CLPTM1: variants seen among roughly 807,000 people sequenced by gnomAD.
CLPTM1 encodes CLPTM1 regulator of GABA type A receptor forward trafficking, also known as putative lipid scramblase CLPTM1.
A neutral mutation model predicts 77.3 loss-of-function variants in CLPTM1; 21 were observed. That is an observed-to-expected ratio of 0.27 (90% CI 0.19 to 0.39). The LOEUF (loss-of-function observed/expected upper bound fraction) is 0.39. CLPTM1 is among the 10% of genes least tolerant of loss of function. CLPTM1 has a pLI of 1.00. For synonymous variants in CLPTM1, 373 were observed against 381.0 expected (o/e 0.98, Z 0.24); for missense variants, 642 against 921.2 (o/e 0.70, Z 3.92).
chr19:44,958,050 A>T (rs1474161370), intron 1 of CLPTM1, among the ~76,000 whole-genome samples: 1 of 151,120 alleles, frequency 6.6e-6, no homozygotes, highest in Admixed American at 6.6e-5. Flanking sequence ...TAAAGCTGGG[A>T]TGGGGATAGG....
In CLPTM1 at chr19:44,992,945, G is replaced by GC; in HGVS notation, c.*49dup. The stretch of plus-strand genomic sequence containing the variant: ...CCGGCTCCTGGCGACCACTACCCCT[G>GC]CGTCCCGGCCCCCTCGCCTCCCCTC... On this transcript the variant is annotated 3_prime_UTR_variant, in exon 14 of 14. Coordinates refer to ENST00000337392, the MANE Select transcript of CLPTM1 (RefSeq NM_001294.4). This position sits in a 1 kb window ranked among gnomAD's most constrained non-coding sequence, Gnocchi z 7.7. The GC allele has an allele frequency of 6.3e-7, 1 of 1,585,888 alleles. No homozygotes were observed. Among genetic ancestry groups the GC allele is most frequent in the Non-Finnish European group, 8.6e-7 (1 of 1,166,950 alleles).
chr19:44,955,452 A>T lies in CLPTM1; in HGVS notation c.57A>T (p.Gly19=), dbSNP rs1455846581. The stretch of plus-strand genomic sequence containing the variant: ...GCAGCGCCGTGGTGGCGGCCGGGGG[A>T]GGCAGCTCCGGTCAGGTACGGAGGC... ...GARSAVVAAG[G]GSSGQVTSNG... The change falls in exon 1 of 14, where the codon GGA becomes GGT. Residue 19 remains glycine (G), a synonymous_variant. Transcript: ENST00000337392. The T allele has an allele frequency of 3.0e-6, 4 of 1,329,606 alleles. No homozygotes were observed. The allele number at this position is 1,329,606 out of a possible 1,614,324, so 82.4% of individuals were successfully genotyped here.
chr19:44,957,421 C>T (rs980409876), intron 1 of CLPTM1, among the ~76,000 whole-genome samples: 2 of 152,226 alleles, frequency 1.3e-5, no homozygotes, highest in African/African-American at 4.8e-5. Flanking sequence ...CTCAGCTCAG[C>T]GCCAGGCACA....
chr19:44,954,627 G>A (rs1970428093), upstream of CLPTM1: 1 of 1,079,446 alleles, frequency 9.3e-7, no homozygotes, highest in Non-Finnish European at 1.1e-6. Flanking sequence ...CGGGTTTAGA[G>A]CTGTACGAAG....
chr19:44,977,660 G>A lies in CLPTM1; in HGVS notation c.586+200G>A, dbSNP rs1193161365. Among the ~76,000 whole-genome samples, 6 of 152,180 alleles carry A rather than the reference G, an allele frequency of 3.9e-5. No individual in the cohort carries two copies. In the East Asian group the frequency reaches 7.7e-4, roughly 20 times the overall value. On this transcript the variant is annotated intron_variant, in intron 5 of 13. Coordinates refer to ENST00000337392, the MANE Select transcript of CLPTM1 (RefSeq NM_001294.4). ...GTGGACACTAAGCAGGGATACCCACGGAGGAAGGGAGACCCACGGAGGCTC... is the reference window on the plus strand; with the variant it reads ...GTGGACACTAAGCAGGGATACCCACAGAGGAAGGGAGACCCACGGAGGCTC...
chr19:44,972,062 G>A (rs544368775), intron 2 of CLPTM1, among the ~76,000 whole-genome samples: 4 of 151,294 alleles, frequency 2.6e-5, no homozygotes, highest in East Asian at 1.9e-4. Flanking sequence ...GTAGAGACAG[G>A]GTTTCACCAT....
chr19:44,973,139 C>G lies in CLPTM1; in HGVS notation c.238C>G (p.Gln80Glu). The change falls in exon 3 of 14, where the codon CAG (glutamine) becomes GAG (glutamate). Residue 80 changes from glutamine to glutamate, a missense_variant. Around this residue, in one of 2 missense-constraint regions of CLPTM1, gnomAD observed 121 missense variants for 120.8 expected, o/e 1.00. Transcript: ENST00000337392. Reference protein sequence around the residue: ...SSWFRRGPAPQDQAGPGGAPR... With the variant: ...SSWFRRGPAPEDQAGPGGAPR... ...TTGGTTCCGCCGAGGGCCGGCCCCT[C>G]AGGACCAGGCGGGCCCCGGAGGAGC... is the stretch of plus-strand genomic sequence containing the variant. 2 of 1,614,100 alleles carry G rather than the reference C, an allele frequency of 1.2e-6. No homozygotes were observed. Among genetic ancestry groups the G allele is most frequent in the East Asian group, 2.2e-5 (1 of 44,886 alleles).
chr19:44,965,742 A>C (rs1970618338), intron 2 of CLPTM1, among the ~76,000 whole-genome samples: 1 of 152,248 alleles, frequency 6.6e-6, no homozygotes, highest in East Asian at 1.9e-4. Flanking sequence ...TGAACCCAGG[A>C]GGCGGAGCTT....
chr19:44,973,324 T>G, intron 3 of CLPTM1, 114 bp downstream of exon 3: 8 of 1,428,144 alleles, frequency 5.6e-6, no homozygotes, highest in Non-Finnish European at 7.7e-6. Context: ...CTGGCAGGTC[T>G]AGGAAAACAG....
chr19:44,977,726 C>T (rs189741350), intron 5 of CLPTM1, among the ~76,000 whole-genome samples: 1 of 152,166 alleles, frequency 6.6e-6, no homozygotes, highest in African/African-American at 2.4e-5. Context: ...CAGCTGGAGA[C>T]AGGGACTCTT....
At chr19:44,980,958 C>G (rs1289390419) in intron 5 of CLPTM1, among the ~76,000 whole-genome samples, 1 of 151,776 alleles carries the variant, frequency 6.6e-6, no homozygotes, top group Admixed American at 6.6e-5. Flanking sequence ...CTGCCTCAGC[C>G]TCCTGAGTAG....
chr19:44,981,218 C>T (rs1970891176), intron 5 of CLPTM1, among the ~76,000 whole-genome samples: 1 of 151,956 alleles, frequency 6.6e-6, no homozygotes, highest in Non-Finnish European at 1.5e-5. Flanking sequence ...GATCTTGGCT[C>T]GCCACAGCCT....
At chr19:44,976,849 G>A (rs1182447034) in intron 4 of CLPTM1, among the ~76,000 whole-genome samples, 3 of 152,190 alleles carry the variant, frequency 2.0e-5, no homozygotes, top group African/African-American at 7.2e-5. Context: ...GCAAAATGGG[G>A]TGGTAACATG....
chr19:44,961,333 G>C (rs896848862), intron 1 of CLPTM1, among the ~76,000 whole-genome samples: 2 of 152,142 alleles, frequency 1.3e-5, no homozygotes, highest in Admixed American at 1.3e-4. Context: ...CCACAGAGGG[G>C]GCCTCAGGAA....
chr19:44,986,629 G>C, intron 7 of CLPTM1, 54 bp downstream of exon 7: 1 of 1,591,708 alleles, frequency 6.3e-7, no homozygotes, highest in East Asian at 2.2e-5. Flanking sequence ...GGGTGCTCGG[G>C]GTCCATCTCC....
intron 2 of CLPTM1, among the ~76,000 whole-genome samples, chr19:44,970,711 T>G (rs1456235802): frequency 6.9e-6 from 1 of 145,908 alleles, no homozygotes; most frequent in Non-Finnish European, 1.5e-5. Flanking sequence ...CCAGCATTTT[T>G]GTCACCCACC....
In CLPTM1 at chr19:44,992,642, G is replaced by A; in HGVS notation, c.1755G>A (p.Arg585=). Residue 585 remains arginine (R), a synonymous_variant, in exon 14 of 14, where the codon CGG becomes CGA. Coordinates refer to ENST00000337392, the MANE Select transcript of CLPTM1 (RefSeq NM_001294.4). This position sits in a 1 kb window ranked among gnomAD's most constrained non-coding sequence, Gnocchi z 7.7. Reference sequence around the variant, plus strand: ...TTTTCTTCATCTACCTCTACCAACGGTGGATCTACCGCGTCGACCCCACCC... The same window carrying A: ...TTTTCTTCATCTACCTCTACCAACGATGGATCTACCGCGTCGACCCCACCC... ...DVVFFIYLYQ[R]WIYRVDPTRV... is the part of the protein sequence containing the mutation. 1 of 1,613,924 alleles carries A rather than the reference G, an allele frequency of 6.2e-7. No individual in the cohort carries two copies. The highest frequency in any genetic ancestry group is 8.5e-7 in the Non-Finnish European group (1 of 1,179,952).
At position 44,990,383 on chromosome 19, in the gene CLPTM1, C is replaced by CAGAA; in HGVS notation, c.1133-12_1133-11insAGAA. ...CTCAGCCTCCTGGTTCCCCCCTACCCCCTGCGCACAGATATCCAGTTCTGG... is the reference window on the plus strand; with the variant it reads ...CTCAGCCTCCTGGTTCCCCCCTACCCAGAACCTGCGCACAGATATCCAGTTCTGG... On this transcript the variant is annotated splice_polypyrimidine_tract_variant and intron_variant, in intron 9 of 13. Transcript: ENST00000337392. The surrounding 1 kb of genome is among the most constrained non-coding windows in gnomAD (Gnocchi z 4.8). 6.2e-7 allele frequency: 1 copy of CAGAA among 1,613,434 alleles called. No individual in the cohort carries two copies. Among genetic ancestry groups the CAGAA allele is most frequent in the Non-Finnish European group, 8.5e-7 (1 of 1,179,522 alleles).
upstream of CLPTM1, chr19:44,954,855 G>C (rs894196243): frequency 2.5e-6 from 3 of 1,205,446 alleles, no homozygotes; most frequent in Non-Finnish European, 3.4e-6. Flanking sequence ...CAGGAGACTT[G>C]AACGAAAGAG....
Sources: gnomAD v4.1 joint callset for allele counts (sites outside exome capture counted in the v4.1 genomes callset) on GRCh38, gnomAD v4.1.1 for gene constraint, gnomAD v4.1.1 regional missense constraint, Gnocchi (gnomAD v3.1) non-coding constraint, MANE v1.5 for transcripts, NCBI Gene and HGNC (gene_info 2026-07-23, HGNC 2026-07-21) for gene names.